Variants in ESF1 observed in about 807,000 individuals in gnomAD.
The protein encoded by ESF1 is ESF1 nucleolar pre-rRNA processing protein.
In ESF1, 58 loss-of-function variants were observed where a neutral mutation model predicts 92.0. That is an observed-to-expected ratio of 0.63 (90% confidence interval 0.51 to 0.78). The LOEUF (loss-of-function observed/expected upper bound fraction) is 0.78, where lower values mean the gene tolerates loss of function less well. Ranked by LOEUF, ESF1 falls within the 30% of genes least tolerant of loss-of-function variation. ESF1 has a pLI of 0.00. For missense variants in ESF1, 922 were observed against 989.1 expected (o/e 0.93, Z 0.91); for synonymous variants, 321 against 313.7 (o/e 1.02, Z -0.24).
intron 9 of ESF1, among the ~76,000 whole-genome samples, chr20:13,753,380 A>G (rs1166732892): frequency 6.7e-6 from 1 of 150,254 alleles, no homozygotes; most frequent in East Asian, 1.9e-4. Context: ...GCCAATTCCC[A>G]TCCACTGGCT....
At chr20:13,719,765 G>T (rs1409114615) in intron 11 of ESF1, among the ~76,000 whole-genome samples, 1 of 151,808 alleles carries the variant, frequency 6.6e-6, no homozygotes, top group African/African-American at 2.4e-5. Flanking sequence ...AAGAGACAAA[G>T]AAAAAACCCC....
In ESF1 at chr20:13,759,858, T is replaced by C. The variant is rs764739821; in HGVS notation, c.1667-5A>G. ...CTACATTGACTCCATCATCACCTAA[T>C]GAAAAAAAAATTCACTTAATACACA... On this transcript the variant is annotated splice_polypyrimidine_tract_variant and splice_region_variant and intron_variant, in intron 8 of 13. Transcript: ENST00000617257. 3 of 1,579,640 alleles carry C rather than the reference T, an allele frequency of 1.9e-6. 1 individual carries two copies. In the South Asian group the frequency reaches 3.5e-5, roughly 18 times the overall value.
In ESF1 at chr20:13,782,523, T is replaced by G; in HGVS notation, c.618A>C (p.Thr206=). ...VKSPRIECSK[T]RREMQSVVQL... ...ACCTACCTGATTGCATTTCTCTTCT[T>G]GTCTTAGAACACTCGATTCTGGGAG... The change falls in exon 2 of 14, where the codon ACA becomes ACC. Residue 206 remains threonine (T), a synonymous_variant. Transcript: ENST00000617257. 1 of 1,522,172 alleles carries G rather than the reference T, an allele frequency of 6.6e-7. No homozygotes were observed. Among genetic ancestry groups the G allele is most frequent in the Non-Finnish European group, 8.7e-7 (1 of 1,143,514 alleles). The allele number at this position is 1,522,172 out of a possible 1,614,324, so 94.3% of individuals were successfully genotyped here.
intron 11 of ESF1, among the ~76,000 whole-genome samples, chr20:13,727,220 G>A (rs1298602465): frequency 6.6e-6 from 1 of 152,142 alleles, no homozygotes; most frequent in Non-Finnish European, 1.5e-5. Context: ...TGAAACCAGA[G>A]GATAAGGCTA....
At chr20:13,722,944 A>C (rs1313804629) in intron 11 of ESF1, among the ~76,000 whole-genome samples, 1 of 152,218 alleles carries the variant, frequency 6.6e-6, no homozygotes, top group Non-Finnish European at 1.5e-5. Flanking sequence ...ATACTAACAG[A>C]GACTCCGAGT....
chr20:13,732,269 C>T (rs1304920455), intron 10 of ESF1, among the ~76,000 whole-genome samples: 2 of 152,122 alleles, frequency 1.3e-5, no homozygotes, highest in African/African-American at 2.4e-5. Context: ...GAGAAAACTC[C>T]CTACCCATTT....
At position 13,766,827 on chromosome 20, in the gene ESF1, T is replaced by A. The variant is rs771700105; in HGVS notation, c.1616A>T (p.Tyr539Phe). ...TTCATCTTCACTAGAGGAAGCTAAG[T>A]AGGCTTGAAAATCCATGTCCAAAAG... Reference protein sequence around the residue: ...EELLDMDFQAYLASSSEDEEE... With the variant: ...EELLDMDFQAFLASSSEDEEE... Residue 539 changes from tyrosine (Y) to phenylalanine (F), a missense_variant, in exon 8 of 14, where the codon TAC becomes TTC. Coordinates refer to ENST00000617257, the MANE Select transcript of ESF1 (RefSeq NM_001276380.2). 2.4e-5 allele frequency: 39 copies of A among 1,613,764 alleles called. 1 individual carries two copies. The highest frequency in any genetic ancestry group is 1.5e-5 in the Non-Finnish European group (18 of 1,179,926).
At chr20:13,759,486 G>A (rs1979055811) in intron 9 of ESF1, among the ~76,000 whole-genome samples, 1 of 152,178 alleles carries the variant, frequency 6.6e-6, no homozygotes, top group Non-Finnish European at 1.5e-5. Flanking sequence ...TAAATGGACA[G>A]GAAAAATTTA....
intron 9 of ESF1, among the ~76,000 whole-genome samples, chr20:13,749,122 A>G (rs973260264): frequency 6.6e-6 from 1 of 150,902 alleles, no homozygotes; most frequent in African/African-American, 2.4e-5. Context: ...TTGGAGTGCA[A>G]CGGCATGATC....
intron 9 of ESF1, among the ~76,000 whole-genome samples, chr20:13,758,554 A>C (rs562665366): frequency 1.3e-5 from 2 of 152,300 alleles, no homozygotes; most frequent in African/African-American, 4.8e-5. Flanking sequence ...TCCCAAATAA[A>C]AACCCACGCA....
intron 2 of ESF1, among the ~76,000 whole-genome samples, chr20:13,782,023 T>G (rs956741496): frequency 1.2e-4 from 18 of 152,092 alleles, no homozygotes; most frequent in African/African-American, 4.3e-4. Context: ...ACTACAGGTG[T>G]GCGCCACCAT....
chr20:13,755,187 G>C (rs1438725747), intron 9 of ESF1, among the ~76,000 whole-genome samples: 2 of 152,220 alleles, frequency 1.3e-5, no homozygotes, highest in Non-Finnish European at 2.9e-5. Context: ...GTAAGGAAGA[G>C]AAGTTGGGGT....
intron 9 of ESF1, among the ~76,000 whole-genome samples, chr20:13,745,069 T>C (rs1320842714): frequency 3.3e-5 from 5 of 152,138 alleles, no homozygotes. Context: ...ACACCATTAC[T>C]TATGTACTCA....
chr20:13,731,687 C>A (rs1460175758), intron 10 of ESF1, among the ~76,000 whole-genome samples: 1 of 152,234 alleles, frequency 6.6e-6, no homozygotes. Context: ...GTTTCTGGCT[C>A]ATAAGTTCCT....
intron 8 of ESF1, among the ~76,000 whole-genome samples, chr20:13,761,494 C>T (rs1979200149): frequency 6.6e-6 from 1 of 150,814 alleles, no homozygotes; most frequent in Non-Finnish European, 1.5e-5. Flanking sequence ...AAATGTTATG[C>T]TGAATAAATG....
At position 13,782,961 on chromosome 20, in the gene ESF1, A is replaced by T. The variant is rs1212959334; in HGVS notation, c.180T>A (p.Ile60=). 1.9e-6 allele frequency: 3 copies of T among 1,614,038 alleles called. No homozygotes were observed. The highest frequency in any genetic ancestry group is 8.5e-7 in the Non-Finnish European group (1 of 1,180,030). ...TCAAATCCTCTGTAGTGCTATGGCT[A>T]ATGGGGCGCCCTCTTTTATCCACGG... ...NYAVDKRGRP[I]SHSTTEDLKR... Residue 60 remains isoleucine, a synonymous_variant, in exon 2 of 14, where the codon ATT becomes ATA. Transcript: ENST00000617257.
intron 8 of ESF1, 91 bp downstream of exon 8, chr20:13,766,686 T>G: frequency 1.6e-6 from 2 of 1,281,136 alleles, no homozygotes; most frequent in Non-Finnish European, 2.2e-6. Flanking sequence ...ACTGTGCATG[T>G]GAGCATATCT....
At chr20:13,748,936 C>CT (rs1473944451) in intron 9 of ESF1, among the ~76,000 whole-genome samples, 2 of 151,902 alleles carry the variant, frequency 1.3e-5, no homozygotes, top group African/African-American at 4.8e-5. Flanking sequence ...AATTATGCAT[C>CT]TAAGAATTAA....
intron 9 of ESF1, among the ~76,000 whole-genome samples, chr20:13,737,111 G>A (rs1401755597): frequency 2.0e-5 from 3 of 152,200 alleles, no homozygotes; most frequent in Admixed American, 6.5e-5. Context: ...CAGCCACTAT[G>A]TGACTGAAAA....
Sources: gnomAD v4.1 joint callset for allele counts (sites outside exome capture counted in the v4.1 genomes callset) on GRCh38, gnomAD v4.1.1 for gene constraint, MANE v1.5 for transcripts, NCBI Gene and HGNC (gene_info 2026-07-23, HGNC 2026-07-21) for gene names.